Variants in CDKAL1 observed in about 807,000 individuals in gnomAD.
The protein encoded by CDKAL1 is threonylcarbamoyladenosine tRNA methylthiotransferase.
A neutral mutation model predicts 68.2 loss-of-function variants in CDKAL1; 32 were observed. The ratio of observed to expected loss-of-function variants is 0.47; its 90% CI spans 0.35 to 0.63. The LOEUF (loss-of-function observed/expected upper bound fraction) is 0.63. Among genes scored for constraint, CDKAL1 ranks in the 30% least tolerant of loss-of-function variants. CDKAL1 has a pLI of 0.00. For synonymous variants in CDKAL1, 234 were observed against 244.3 expected, an observed-to-expected ratio of 0.96 and a Z score of 0.39; for missense variants, 606 against 696.7, an observed-to-expected ratio of 0.87 and a Z score of 1.47.
chr6:20,563,088 T>C (rs1424391574), intron 4 of CDKAL1, among the ~76,000 whole-genome samples: 1 of 152,202 alleles, frequency 6.6e-6, no homozygotes, highest in Non-Finnish European at 1.5e-5. Flanking sequence ...TGCTATATGA[T>C]ATAAGATGGA....
At chr6:21,031,770 G>C (rs1769302698) in intron 11 of CDKAL1, among the ~76,000 whole-genome samples, 1 of 152,056 alleles carries the variant, frequency 6.6e-6, no homozygotes, top group South Asian at 2.1e-4. Flanking sequence ...AACAAACCCA[G>C]TCTTTTTCAG....
intron 5 of CDKAL1, among the ~76,000 whole-genome samples, chr6:20,680,203 A>C (rs1770312660): frequency 6.6e-6 from 1 of 152,084 alleles, no homozygotes; most frequent in Admixed American, 6.6e-5. Flanking sequence ...AATAGCTAGG[A>C]TTACAGGTGC....
chr6:20,618,268 T>C (rs1767015667), intron 4 of CDKAL1, among the ~76,000 whole-genome samples: 1 of 152,160 alleles, frequency 6.6e-6, no homozygotes, highest in Non-Finnish European at 1.5e-5. Flanking sequence ...GGGGTTGTTT[T>C]TTTCTTGTAA....
At chr6:20,886,044 C>G (rs1761052224) in intron 9 of CDKAL1, among the ~76,000 whole-genome samples, 1 of 152,014 alleles carries the variant, frequency 6.6e-6, no homozygotes, top group Non-Finnish European at 1.5e-5. Context: ...CCCCGTCCCC[C>G]ACAAAAAAGA....
At chr6:21,133,952 G>A (rs1199500865) in intron 13 of CDKAL1, among the ~76,000 whole-genome samples, 2 of 152,172 alleles carry the variant, frequency 1.3e-5, no homozygotes, top group Non-Finnish European at 2.9e-5. Flanking sequence ...TTATATATAT[G>A]TATCTTTAAT....
In CDKAL1 at chr6:20,643,280, T is replaced by A. The variant is rs546479217; in HGVS notation, c.287-6013T>A. ...TCTCCTTTTAAGGCACTGGAGGACC[T>A]GGCATGAATGTTCTAAGGCAAGATC... On this transcript the variant is annotated intron_variant, in intron 4 of 15. Coordinates refer to ENST00000274695, the MANE Select transcript of CDKAL1 (RefSeq NM_017774.3). Among the ~76,000 whole-genome samples, 225 of 152,326 alleles carry A rather than the reference T, an allele frequency of 1.5e-3. 2 individuals carry two copies. The highest frequency in any genetic ancestry group is 2.6e-4 in the Non-Finnish European group (18 of 68,036).
chr6:20,786,802 C>A (rs1030114737), intron 8 of CDKAL1, among the ~76,000 whole-genome samples: 3 of 151,972 alleles, frequency 2.0e-5, no homozygotes, highest in Non-Finnish European at 4.4e-5. Context: ...GCCTTGACTC[C>A]CTTATTTTTT....
chr6:20,918,603 TGTAAG>T (rs1325316341), intron 9 of CDKAL1, among the ~76,000 whole-genome samples: 1 of 152,212 alleles, frequency 6.6e-6, no homozygotes, highest in Non-Finnish European at 1.5e-5. Context: ...TCTACCTAGA[TGTAAG>T]GACTGTACAA....
At chr6:20,935,431 C>CTT (rs147959758) in intron 9 of CDKAL1, among the ~76,000 whole-genome samples, 43 of 143,154 alleles carry the variant, frequency 3.0e-4, no homozygotes, top group African/African-American at 5.6e-4. Context: ...GAAAATTAGA[C>CTT]TTTTTTTTTT....
chr6:20,743,654 TC>T (rs1030822702), intron 6 of CDKAL1, among the ~76,000 whole-genome samples: 10 of 152,136 alleles, frequency 6.6e-5, no homozygotes, highest in Admixed American at 6.6e-4. Context: ...TCCCACTCTC[TC>T]CTGAAATCAC....
At chr6:20,834,566 G>A (rs2150470646) in intron 8 of CDKAL1, among the ~76,000 whole-genome samples, 1 of 152,196 alleles carries the variant, frequency 6.6e-6, no homozygotes, top group Admixed American at 6.5e-5. Flanking sequence ...GCATTTGGGG[G>A]TTATAAAGGC....
chr6:21,119,514 C>T (rs1318066902), intron 13 of CDKAL1, among the ~76,000 whole-genome samples: 1 of 152,136 alleles, frequency 6.6e-6, no homozygotes. Flanking sequence ...CTGTAAATAT[C>T]TGTTGATTGG....
At chr6:20,648,972 T>A (rs1768618523) in intron 4 of CDKAL1, among the ~76,000 whole-genome samples, 1 of 152,212 alleles carries the variant, frequency 6.6e-6, no homozygotes, top group South Asian at 2.1e-4. Flanking sequence ...GAAATTGATT[T>A]GATACTCAGA....
intron 7 of CDKAL1, among the ~76,000 whole-genome samples, chr6:20,778,028 T>A (rs966804382): frequency 2.6e-5 from 4 of 152,206 alleles, no homozygotes; most frequent in African/African-American, 9.7e-5. Flanking sequence ...TATGTTAATA[T>A]GTGTGCCAAT....
chr6:20,627,847 A>G (rs537738092), intron 4 of CDKAL1, among the ~76,000 whole-genome samples: 235 of 152,296 alleles, frequency 1.5e-3, no homozygotes, highest in African/African-American at 5.3e-3. Flanking sequence ...TTTGGCACAA[A>G]GAAGTATAAT....
intron 7 of CDKAL1, among the ~76,000 whole-genome samples, chr6:20,777,373 G>A (rs1001122907): frequency 6.6e-6 from 1 of 152,136 alleles, no homozygotes; most frequent in African/African-American, 2.4e-5. Context: ...AGTATTTTGG[G>A]AGGCCAAGGT....
At chr6:20,694,419 G>A (rs1433493358) in intron 5 of CDKAL1, among the ~76,000 whole-genome samples, 1 of 152,176 alleles carries the variant, frequency 6.6e-6, no homozygotes, top group Non-Finnish European at 1.5e-5. Flanking sequence ...CACAGAAGGA[G>A]AAGAATGGGC....
intron 5 of CDKAL1, among the ~76,000 whole-genome samples, chr6:20,699,245 C>T (rs981836385): frequency 6.6e-6 from 1 of 151,966 alleles, no homozygotes; most frequent in African/African-American, 2.4e-5. Flanking sequence ...ATTACAGAGA[C>T]CAGACTTGTT....
intron 8 of CDKAL1, among the ~76,000 whole-genome samples, chr6:20,832,424 C>T (rs1298030000): frequency 6.7e-6 from 1 of 149,598 alleles, no homozygotes; most frequent in African/African-American, 2.5e-5. Flanking sequence ...ATTGCAAATT[C>T]AAAGCAATTT....
Sources: allele counts gnomAD v4.1 joint callset (sites outside exome capture counted in the v4.1 genomes callset), GRCh38; gene constraint gnomAD v4.1.1; transcripts MANE v1.5; gene names NCBI Gene and HGNC (gene_info 2026-07-23, HGNC 2026-07-21).